Variants in ABCB1 observed in about 807,000 individuals in gnomAD.
ABCB1 encodes ATP-dependent translocase ABCB1.
ABCB1 carries 69 observed loss-of-function variants against 142.0 expected under a neutral mutation model. The observed-to-expected ratio is 0.49, with a 90% CI of 0.40 to 0.59. The LOEUF is 0.59. ABCB1 is among the 20% of genes least tolerant of loss of function. The probability of loss-of-function intolerance (pLI) is 0.00; values close to 1 mark genes in which losing one functional copy is unlikely to be tolerated. For synonymous variants in ABCB1, 532 were observed against 539.2 expected (o/e 0.99, Z 0.18); for missense variants, 1,326 against 1,554.7 (o/e 0.85, Z 2.47).
At chr7:87,658,061 T>C (rs910531816) in intron 1 of ABCB1, among the ~76,000 whole-genome samples, 1 of 152,182 alleles carries the variant, frequency 6.6e-6, no homozygotes, top group South Asian at 2.1e-4. Context: ...TAATAAAAGA[T>C]AGTCAATAGA....
chr7:87,709,414 C>G lies in ABCB1; in HGVS notation c.-331+3747G>C. 4 of 985,296 alleles carry G rather than the reference C, an allele frequency of 4.1e-6. No homozygotes were observed. In the South Asian group the frequency reaches 1.9e-4, roughly 46 times the overall value. The allele number at this position is 985,296 out of a possible 1,614,324, so 61.0% of individuals were successfully genotyped here. ...TAGCTTGCCTCTTCCTTCCTCTGTT[C>G]CAATCAGCTACAGCTAACTGCAGGT... On this transcript the variant is annotated intron_variant, in intron 1 of 28. Coordinates refer to the ABCB1 transcript ENST00000265724.
At position 87,531,437 on chromosome 7, in the gene ABCB1, T is replaced by C; in HGVS notation, c.2542A>G (p.Ile848Val). 2 of 1,613,488 alleles carry C rather than the reference T, an allele frequency of 1.2e-6. No homozygotes were observed. Among genetic ancestry groups the C allele is most frequent in the Non-Finnish European group, 1.7e-6 (2 of 1,179,688 alleles). ...TGCCAACCATAGATGAAGGATATAATTATTCCTGTCCCAAGATTTGCTATA... is the reference window on the plus strand; with the variant it reads ...TGCCAACCATAGATGAAGGATATAACTATTCCTGTCCCAAGATTTGCTATA... ...QNIANLGTGIIISFIYGWQLT... is the reference protein window; with the variant it reads ...QNIANLGTGIVISFIYGWQLT... Residue 848 changes from isoleucine to valine, a missense_variant, in exon 21 of 28, where the codon ATT becomes GTT. Transcript: ENST00000622132.
chr7:87,514,265 C>T (rs1815137100), intron 25 of ABCB1, among the ~76,000 whole-genome samples: 1 of 152,198 alleles, frequency 6.6e-6, no homozygotes, highest in South Asian at 2.1e-4. Context: ...AGTGTCCATG[C>T]TGTTCCCATT....
intron 1 of ABCB1, among the ~76,000 whole-genome samples, chr7:87,654,962 A>G (rs1823941314): frequency 6.6e-6 from 1 of 152,108 alleles, no homozygotes; most frequent in African/African-American, 2.4e-5. Flanking sequence ...TATACAGCAA[A>G]TAGATGAAAA....
At chr7:87,504,958 T>C (rs921339538) in intron 27 of ABCB1, among the ~76,000 whole-genome samples, 10 of 152,096 alleles carry the variant, frequency 6.6e-5, no homozygotes, top group African/African-American at 2.4e-4. Context: ...AGCAGTTATC[T>C]ATCCCTAACT....
At position 87,680,561 on chromosome 7, in the gene ABCB1, G is replaced by A. The variant is rs144181919; in HGVS notation, c.-331+32600C>T. Among the ~76,000 whole-genome samples, 49 of 150,858 alleles carry A rather than the reference G, an allele frequency of 3.2e-4. 3 individuals carry two copies. The East Asian group carries it at 9.5e-3, about 29-fold the overall frequency. ...TAATCCCAGCACTTAGGGAGGCCAA[G>A]GCGAGTGGATCACCTTAGGTCAGGA... On this transcript the variant is annotated intron_variant, in intron 1 of 28. Coordinates refer to the ABCB1 transcript ENST00000265724.
chr7:87,574,669 C>G (rs1422977593), intron 4 of ABCB1, among the ~76,000 whole-genome samples: 2 of 152,088 alleles, frequency 1.3e-5, no homozygotes, highest in African/African-American at 4.8e-5. Flanking sequence ...CTGGAATGCC[C>G]TTTATCAAAA....
chr7:87,574,837 C>T (rs1396963140), intron 4 of ABCB1, among the ~76,000 whole-genome samples: 1 of 152,168 alleles, frequency 6.6e-6, no homozygotes, highest in Non-Finnish European at 1.5e-5. Context: ...ACTATTTACA[C>T]CTATCTCTTC....
chr7:87,590,372 C>G (rs1262277717), intron 3 of ABCB1, among the ~76,000 whole-genome samples: 1 of 152,174 alleles, frequency 6.6e-6, no homozygotes. Flanking sequence ...TCCACGGAGC[C>G]TACCTTCAGA....
chr7:87,523,579 G>A (rs547400631), intron 21 of ABCB1, among the ~76,000 whole-genome samples: 11 of 152,278 alleles, frequency 7.2e-5, no homozygotes, highest in East Asian at 5.8e-4. Context: ...TCAAGATGGC[G>A]TCACTGCACT....
intron 23 of ABCB1, chr7:87,519,048 G>A (rs1249137010): frequency 2.0e-6 from 1 of 491,058 alleles, no homozygotes; most frequent in Non-Finnish European, 3.7e-6. Context: ...AAATGCCAAG[G>A]CCTTCTCAAA....
chr7:87,662,494 A>G (rs1206676795), intron 1 of ABCB1, among the ~76,000 whole-genome samples: 1 of 152,126 alleles, frequency 6.6e-6, no homozygotes, highest in Non-Finnish European at 1.5e-5. Context: ...TCCCAGCACC[A>G]TTTATTGAAG....
intron 1 of ABCB1, among the ~76,000 whole-genome samples, chr7:87,628,157 C>A (rs1221937442): frequency 1.3e-5 from 2 of 152,170 alleles, no homozygotes; most frequent in African/African-American, 4.8e-5. Flanking sequence ...CTGTGGGGCC[C>A]CGCATCCCAC....
chr7:87,619,199 G>T (rs1352700333), intron 1 of ABCB1, among the ~76,000 whole-genome samples: 1 of 152,104 alleles, frequency 6.6e-6, no homozygotes, highest in Non-Finnish European at 1.5e-5. Context: ...TATTTGAGAA[G>T]ATATTAACCT....
At chr7:87,642,774 T>C (rs1822583732) in intron 1 of ABCB1, among the ~76,000 whole-genome samples, 1 of 152,238 alleles carries the variant, frequency 6.6e-6, no homozygotes, top group African/African-American at 2.4e-5. Context: ...GTCATCAGTC[T>C]GCTTATATAG....
In ABCB1 at chr7:87,562,278, G is replaced by A. The variant is rs552049750; in HGVS notation, c.703-891C>T. On this transcript the variant is annotated intron_variant, in intron 7 of 27. Transcript: ENST00000622132. ...TCTAAGTGCAGACATTGTGCTGCAC[G>A]TACCTAGCCTCTTTAGTACCCAAAA... Among the ~76,000 whole-genome samples, 9 of 152,284 alleles carry A rather than the reference G, an allele frequency of 5.9e-5. No individual in the cohort carries two copies. The South Asian group carries it at 1.9e-3, about 32-fold the overall frequency.
chr7:87,590,792 T>C (rs1584906820), intron 3 of ABCB1, among the ~76,000 whole-genome samples: 2 of 152,212 alleles, frequency 1.3e-5, no homozygotes, highest in South Asian at 4.1e-4. Context: ...ACTTCCTGTG[T>C]AAGCAGAAAG....
chr7:87,521,532 T>C, intron 21 of ABCB1: 2 of 757,244 alleles, frequency 2.6e-6, no homozygotes, highest in Non-Finnish European at 2.4e-6. Context: ...GAGCTCTACA[T>C]TGGTTGACCA....
chr7:87,705,256 C>A (rs1279313205), intron 1 of ABCB1, among the ~76,000 whole-genome samples: 1 of 152,112 alleles, frequency 6.6e-6, no homozygotes, highest in Non-Finnish European at 1.5e-5. Context: ...AAAACCCTGT[C>A]TCTACTTAAA....
Sources: gnomAD v4.1 joint callset for allele counts (sites outside exome capture counted in the v4.1 genomes callset) on GRCh38, gnomAD v4.1.1 for gene constraint, MANE v1.5 for transcripts, NCBI Gene and HGNC (gene_info 2026-07-23, HGNC 2026-07-21) for gene names.